BMI1: variants seen among roughly 807,000 people sequenced by gnomAD.
The protein encoded by BMI1 is BMI1 proto-oncogene, polycomb ring finger, also known as polycomb complex protein BMI-1.
Under a neutral mutation model 39.1 loss-of-function variants are expected in BMI1, and 9 were observed. The observed-to-expected ratio is 0.23, with a 90% CI of 0.14 to 0.40. BMI1 has a LOEUF of 0.40. Among genes scored for constraint, BMI1 ranks in the 10% least tolerant of loss-of-function variants. The pLI, the probability that BMI1 is intolerant of heterozygous loss-of-function variation, is 1.00. For missense variants in BMI1, 252 were observed against 390.8 expected, an observed-to-expected ratio of 0.64 and a Z score of 2.99; for synonymous variants, 131 against 127.9, an observed-to-expected ratio of 1.02 and a Z score of -0.16.
At chr10:22,321,812 G>A (rs1433988410) in intron 1 of BMI1, 116 bp downstream of exon 1, 3 of 142,316 alleles carry the variant, frequency 2.1e-5, no homozygotes, top group African/African-American at 5.1e-5. Context: ...CCGCGCCGCC[G>A]GGAGGGCGCT....
chr10:22,322,324 T>C (rs932967692), intron 1 of BMI1, among the ~76,000 whole-genome samples: 7 of 152,138 alleles, frequency 4.6e-5, no homozygotes, highest in African/African-American at 1.7e-4. Flanking sequence ...GGGGCGGCCA[T>C]CCCGCCAAGG....
Position 22,328,596 on chromosome 10 carries a change from T to A in BMI1, c.472-4T>A, listed in dbSNP as rs1462195822. On this transcript the variant is annotated splice_polypyrimidine_tract_variant and splice_region_variant and intron_variant, in intron 7 of 9. Coordinates refer to ENST00000376663, the MANE Select transcript of BMI1 (RefSeq NM_005180.9). The stretch of plus-strand genomic sequence containing the variant: ...AAAAGTTACTTTTCTAAATGTACTT[T>A]TAGGTGAATGATAAAAGATACTTAC... 1 of 1,589,096 alleles carries A rather than the reference T, an allele frequency of 6.3e-7. No homozygotes were observed. Among genetic ancestry groups the A allele is most frequent in the East Asian group, 2.3e-5 (1 of 44,340 alleles).
intron 1 of BMI1, among the ~76,000 whole-genome samples, chr10:22,324,885 C>T (rs1481094142): frequency 6.6e-6 from 1 of 152,318 alleles, no homozygotes; most frequent in Non-Finnish European, 1.5e-5. Flanking sequence ...TGACAGTTCC[C>T]CATTGTGACT....
chr10:22,324,797 A>AG (rs1440592810), intron 1 of BMI1, among the ~76,000 whole-genome samples: 1 of 152,224 alleles, frequency 6.6e-6, no homozygotes, highest in Non-Finnish European at 1.5e-5. Context: ...TGAATGAAGA[A>AG]GGGGGGTTGA....
intron 4 of BMI1, 38 bp downstream of exon 4, chr10:22,327,688 A>G: frequency 1.2e-6 from 2 of 1,612,960 alleles, no homozygotes; most frequent in Admixed American, 3.3e-5. Context: ...TAAAGAGATT[A>G]TTCATTAGTT....
rs150366703 is a variant in BMI1, at chr10:22,327,052, C to T, written c.209+66C>T. ...GAGTTGTATAATTTACTGAAGGCAACCCTCTTTATTTCTTCACAGAAAATT... is the reference window on the plus strand; with the variant it reads ...GAGTTGTATAATTTACTGAAGGCAATCCTCTTTATTTCTTCACAGAAAATT... On this transcript the variant is annotated intron_variant, in intron 3 of 9. Transcript: ENST00000376663. 1,597 of 1,543,866 alleles carry T rather than the reference C, an allele frequency of 1.0e-3. 16 individuals carry two copies. The African/African-American group carries it at 0.017, about 16-fold the overall frequency.
At chr10:22,322,413 C>G (rs1414958745) in intron 1 of BMI1, among the ~76,000 whole-genome samples, 4 of 152,176 alleles carry the variant, frequency 2.6e-5, no homozygotes, top group African/African-American at 9.7e-5. Flanking sequence ...GATTGGATGG[C>G]TGGTAAGATG....
rs1213544023 is a variant in BMI1, at chr10:22,330,365, C to T, written c.*823C>T. 1 of 152,628 alleles carries T rather than the reference C, an allele frequency of 6.6e-6. No individual in the cohort carries two copies. The highest frequency in any genetic ancestry group is 1.5e-5 in the Non-Finnish European group (1 of 68,022). 9.5% of individuals were successfully genotyped at this position (152,628 alleles called of 1,614,324 possible). On this transcript the variant is annotated 3_prime_UTR_variant, in exon 10 of 10. Coordinates refer to ENST00000376663, the MANE Select transcript of BMI1 (RefSeq NM_005180.9). ...CCAACTGGTTCGACCTTTGCAGATA[C>T]CCATAACCTATGTTGAGCCTTGCTT...
At position 22,329,634 on chromosome 10, in the gene BMI1, A is replaced by G. The variant is rs1588621902; in HGVS notation, c.*92A>G. The G allele has an allele frequency of 9.1e-6, 13 of 1,421,164 alleles. No homozygotes were observed. The East Asian group carries it at 3.1e-4, about 34-fold the overall frequency. The allele number at this position is 1,421,164 out of a possible 1,614,324, so 88.0% of individuals were successfully genotyped here. A position where few individuals can be genotyped will look rare whatever the true frequency, so the allele number is the denominator to read the frequency against. On this transcript the variant is annotated 3_prime_UTR_variant, in exon 10 of 10. Coordinates refer to ENST00000376663, the MANE Select transcript of BMI1 (RefSeq NM_005180.9). The stretch of plus-strand genomic sequence containing the variant: ...AGCTTTCTAGATGCTAATACATGTG[A>G]CTATCGTCCAATTTGCTTTCTTTTG...
chr10:22,328,710 T>C lies in BMI1; in HGVS notation c.570+12T>C. On this transcript the variant is annotated intron_variant, in intron 8 of 9. Transcript: ENST00000376663. The stretch of plus-strand genomic sequence containing the variant: ...CTAATACTTTCCAGGTATCTACTTT[T>C]ATATTCTTCTTGCATTTTACATAGA... The C allele has an allele frequency of 6.5e-7, 1 of 1,549,778 alleles. No individual in the cohort carries two copies. Among genetic ancestry groups the C allele is most frequent in the South Asian group, 1.3e-5 (1 of 79,418 alleles).
Position 22,329,677 on chromosome 10 carries a change from G to T in BMI1, c.*135G>T. On this transcript the variant is annotated 3_prime_UTR_variant, in exon 10 of 10. Transcript: ENST00000376663. ...TTCTTTTGTAGTGACATTAAATTTG[G>T]CTATAAAAGATGGACTACATGTGAT... 1.8e-6 allele frequency: 2 copies of T among 1,093,970 alleles called. No homozygotes were observed. Among genetic ancestry groups the T allele is most frequent in the Non-Finnish European group, 2.5e-6 (2 of 785,736 alleles). The allele number at this position is 1,093,970 out of a possible 1,614,324, so 67.8% of individuals were successfully genotyped here. A position where few individuals can be genotyped will look rare whatever the true frequency, so the allele number is the denominator to read the frequency against.
chr10:22,327,095 C>T, intron 3 of BMI1, 109 bp downstream of exon 3: 3 of 1,198,662 alleles, frequency 2.5e-6, no homozygotes, highest in Non-Finnish European at 1.2e-6. Flanking sequence ...GAATACATAA[C>T]TAATATGTGT....
At chr10:22,326,347 A>ACTC in intron 1 of BMI1, 84 bp from the exon 2 acceptor site, 1 of 1,558,224 alleles carries the variant, frequency 6.4e-7, no homozygotes, top group Non-Finnish European at 8.7e-7. Flanking sequence ...GAGTTTTATA[A>ACTC]ATTCAGTGTT....
intron 1 of BMI1, among the ~76,000 whole-genome samples, chr10:22,323,972 A>G (rs755689613): frequency 3.2e-4 from 49 of 152,224 alleles, no homozygotes; most frequent in Non-Finnish European, 1.0e-4. Context: ...TAGCATTATA[A>G]ATGGTCACAG....
chr10:22,328,953 A>G, intron 8 of BMI1, 95 bp from the exon 9 acceptor site: 4 of 1,282,406 alleles, frequency 3.1e-6, no homozygotes, highest in Non-Finnish European at 4.3e-6. Context: ...TTTGGAGAAT[A>G]TGTTTCTTAA....
Position 22,329,438 on chromosome 10 carries a change from A to G in BMI1, c.877A>G (p.Met293Val), listed in dbSNP as rs780400625. The G allele has an allele frequency of 4.3e-6, 7 of 1,614,068 alleles. No individual in the cohort carries two copies. Among genetic ancestry groups the G allele is most frequent in the Non-Finnish European group, 5.9e-6 (7 of 1,180,016 alleles). Residue 293 changes from methionine (M) to valine (V), a missense_variant, in exon 10 of 10, where the codon ATG becomes GTG. By Grantham distance (21) the Met-to-Val change is conservative (BLOSUM62 1). This residue lies in a region of BMI1 where 96 missense variants were observed against 120.2 expected (regional missense o/e 0.80). Coordinates refer to ENST00000376663, the MANE Select transcript of BMI1 (RefSeq NM_005180.9). ...ACAGTTTCCTCACATTTCCAGTACT[A>G]TGAATGGAACCAGCAACAGCCCCAG... is the stretch of plus-strand genomic sequence containing the variant. ...HPQFPHISST[M>V]NGTSNSPSGN...
chr10:22,327,876 A>G lies in BMI1; in HGVS notation c.317-74A>G, dbSNP rs562681324. On this transcript the variant is annotated intron_variant, in intron 5 of 9. Transcript: ENST00000376663. ...AAAATGTATTAAAATTGACTTTACCACTTCCATCCTCTTATATATAAAATT... is the reference window on the plus strand; with the variant it reads ...AAAATGTATTAAAATTGACTTTACCGCTTCCATCCTCTTATATATAAAATT... The G allele has an allele frequency of 7.0e-5, 112 of 1,592,164 alleles. No homozygotes were observed. The South Asian group carries it at 1.1e-3, about 16-fold the overall frequency.
At chr10:22,325,417 AAAT>A (rs1245562742) in intron 1 of BMI1, among the ~76,000 whole-genome samples, 1 of 152,144 alleles carries the variant, frequency 6.6e-6, no homozygotes, top group Non-Finnish European at 1.5e-5. Context: ...GGAGTGTCCG[AAAT>A]GGCCGGGAGT....
Position 22,326,427 on chromosome 10 carries a change from G to A in BMI1, c.-19-4G>A. On this transcript the variant is annotated splice_polypyrimidine_tract_variant and splice_region_variant and intron_variant, in intron 1 of 9. Transcript: ENST00000376663. ...ATTATGGCCATTATTTCTGTGTCTTGCAGGATTTTTTATCAAGCAGAAATG... is the reference window on the plus strand; with the variant it reads ...ATTATGGCCATTATTTCTGTGTCTTACAGGATTTTTTATCAAGCAGAAATG... 6.2e-7 allele frequency: 1 copy of A among 1,611,084 alleles called. No homozygotes were observed. Among genetic ancestry groups the A allele is most frequent in the Non-Finnish European group, 8.5e-7 (1 of 1,179,924 alleles).
Sources: gnomAD v4.1 joint callset for allele counts (sites outside exome capture counted in the v4.1 genomes callset) on GRCh38, gnomAD v4.1.1 for gene constraint, gnomAD v4.1.1 regional missense constraint, MANE v1.5 for transcripts, NCBI Gene and HGNC (gene_info 2026-07-23, HGNC 2026-07-21) for gene names.